The following ZNF705G variants were observed in gnomAD, a reference collection of about 807,000 sequenced individuals.
ZNF705G encodes the protein zinc finger protein 705G, also known as putative zinc finger protein 705G.
ZNF705G carries 23 observed loss-of-function variants against 19.6 expected under a neutral mutation model. The observed-to-expected ratio is 1.17, with a 90% CI of 0.84 to 1.66. ZNF705G has a LOEUF of 1.66. ZNF705G is among the 40% of genes most tolerant of loss of function. The pLI is 0.00. For missense variants in ZNF705G, 457 were observed against 354.4 expected (o/e 1.29, Z -2.32); for synonymous variants, 146 against 117.7 (o/e 1.24, Z -1.56).
intron 2 of ZNF705G, among the ~76,000 whole-genome samples, chr8:7,365,507 T>C (rs1198602784): frequency 8.1e-5 from 12 of 148,386 alleles, no homozygotes; most frequent in Admixed American, 7.9e-4. Flanking sequence ...GCCTCCTGAG[T>C]AGCTGGGATG....
At chr8:7,358,723 T>G (rs1806415643) in intron 6 of ZNF705G, among the ~76,000 whole-genome samples, 163 bp from the exon 7 acceptor site, 1 of 149,442 alleles carries the variant, frequency 6.7e-6, no homozygotes. Flanking sequence ...GACCCCAAAC[T>G]CATTTAACCA....
chr8:7,380,022 G>T (rs1193569551), intron 2 of ZNF705G, among the ~76,000 whole-genome samples: 2 of 142,062 alleles, frequency 1.4e-5, no homozygotes, highest in Non-Finnish European at 3.0e-5. Flanking sequence ...GTGTAGCTTG[G>T]TCCCCATCAC....
At chr8:7,380,153 G>T (rs929357261) in intron 2 of ZNF705G, among the ~76,000 whole-genome samples, 1 of 143,130 alleles carries the variant, frequency 7.0e-6, no homozygotes, top group Admixed American at 6.7e-5. Context: ...CACCTTCCCA[G>T]GACCACTGAC....
At chr8:7,383,367 T>C (rs1265737314) in intron 1 of ZNF705G, among the ~76,000 whole-genome samples, 2 of 146,640 alleles carry the variant, frequency 1.4e-5, no homozygotes, top group African/African-American at 5.5e-5. Flanking sequence ...TTTATATTGT[T>C]TCTACATCTC....
chr8:7,370,270 CA>C (rs59555789), intron 2 of ZNF705G, among the ~76,000 whole-genome samples: 86,666 of 138,390 alleles, frequency 0.63, 23,547 homozygotes, highest in Admixed American at 0.7. Context: ...GACTCCATCT[CA>C]AAAAAAAAAA....
At chr8:7,363,698 G>A (rs1806711734) in intron 2 of ZNF705G, among the ~76,000 whole-genome samples, 1 of 149,316 alleles carries the variant, frequency 6.7e-6, no homozygotes, top group African/African-American at 2.6e-5. Context: ...GTGCTTGCCT[G>A]TAATCCCAGC....
chr8:7,382,249 A>T (rs1185851302), intron 1 of ZNF705G, among the ~76,000 whole-genome samples: 5 of 149,326 alleles, frequency 3.3e-5, no homozygotes, highest in Non-Finnish European at 7.4e-5. Context: ...TCCTGATTCA[A>T]ATGTTCAAAT....
At position 7,359,715 on chromosome 8, in the gene ZNF705G, A is replaced by C. The variant is rs778308534; in HGVS notation, c.236-14T>G. The stretch of plus-strand genomic sequence containing the variant: ...CACTTTCCCTGTCTGAAATAATTGA[A>C]AAATAAATTGTTACATTGGTATTAT... On this transcript the variant is annotated splice_polypyrimidine_tract_variant and intron_variant, in intron 5 of 6. Coordinates refer to ENST00000400156, the MANE Select transcript of ZNF705G (RefSeq NM_001164457.3). 3.7e-6 allele frequency: 6 copies of C among 1,606,404 alleles called. No homozygotes were observed. The highest frequency in any genetic ancestry group is 5.1e-6 in the Non-Finnish European group (6 of 1,179,084).
chr8:7,382,474 C>T (rs536038490), intron 1 of ZNF705G, among the ~76,000 whole-genome samples: 1 of 146,324 alleles, frequency 6.8e-6, no homozygotes, highest in Non-Finnish European at 1.5e-5. Flanking sequence ...ATTCATTTAT[C>T]CTCATTCATT....
At chr8:7,383,318 A>C (rs1807588014) in intron 1 of ZNF705G, among the ~76,000 whole-genome samples, 1 of 147,130 alleles carries the variant, frequency 6.8e-6, no homozygotes, top group Non-Finnish European at 1.5e-5. Context: ...AAAACACTGA[A>C]ATTCCTCCTT....
At chr8:7,385,312 C>T (rs1807677741) in intron 1 of ZNF705G, among the ~76,000 whole-genome samples, 186 bp downstream of exon 1, 1 of 148,346 alleles carries the variant, frequency 6.7e-6, no homozygotes, top group South Asian at 2.1e-4. Context: ...AACACTCATA[C>T]CACAGCAAAT....
At chr8:7,359,754 T>C (rs1806486419) in intron 5 of ZNF705G, 53 bp from the exon 6 acceptor site, 1 of 1,603,716 alleles carries the variant, frequency 6.2e-7, no homozygotes, top group Non-Finnish European at 8.5e-7. Flanking sequence ...AATAAAATTG[T>C]TTGAAAAGCC....
At chr8:7,381,797 T>C (rs1173548033) in intron 1 of ZNF705G, among the ~76,000 whole-genome samples, 196 bp from the exon 2 acceptor site, 1 of 149,334 alleles carries the variant, frequency 6.7e-6, no homozygotes, top group African/African-American at 2.5e-5. Flanking sequence ...CTATGTTCAG[T>C]ACCAGGGTAA....
chr8:7,376,639 C>T (rs1411047402), intron 2 of ZNF705G, among the ~76,000 whole-genome samples: 1 of 148,450 alleles, frequency 6.7e-6, no homozygotes, highest in Non-Finnish European at 1.5e-5. Context: ...TTAATATATG[C>T]AATGGTTTCT....
chr8:7,376,815 T>C lies in ZNF705G; in HGVS notation c.-72+4637A>G, dbSNP rs540637967. 2.0e-5 allele frequency among the ~76,000 whole-genome samples: 3 copies of C among 150,168 alleles called. No individual in the cohort carries two copies. The East Asian group carries it at 5.8e-4, about 29-fold the overall frequency. On this transcript the variant is annotated intron_variant, in intron 2 of 6. Transcript: ENST00000400156. ...TCTCTAACAATTGAAGTATATTATC[T>C]TTTAGGTCTATATTTCAGTTCTACT...
chr8:7,381,932 CT>C (rs1287032233), intron 1 of ZNF705G, among the ~76,000 whole-genome samples: 1 of 146,028 alleles, frequency 6.8e-6, no homozygotes, highest in African/African-American at 2.5e-5. Flanking sequence ...GTAAATGGAT[CT>C]TTTTTGAAAT....
intron 2 of ZNF705G, among the ~76,000 whole-genome samples, chr8:7,368,288 A>C (rs1279967847): frequency 6.7e-6 from 1 of 149,468 alleles, no homozygotes. Context: ...TGAAGGAAAA[A>C]TATGAACATT....
intron 2 of ZNF705G, among the ~76,000 whole-genome samples, chr8:7,380,229 T>C (rs1334530517): frequency 6.9e-6 from 1 of 144,220 alleles, no homozygotes; most frequent in East Asian, 2.0e-4. Context: ...TCAGGGGACC[T>C]GGGGACTCAC....
rs1390685108 is a variant in ZNF705G at position 7,361,129 on chromosome 8, G to C, written c.120C>G (p.Ile40Met). Reference sequence around the variant, plus strand: ...ACTCACCGAGGGACACCAGGTGACTGATATTTTCCAGCATCACATCTCTGT... The same window carrying C: ...ACTCACCGAGGGACACCAGGTGACTCATATTTTCCAGCATCACATCTCTGT... ...KLYRDVMLEN[I>M]SHLVSLGYQI... Residue 40 changes from isoleucine to methionine, a missense_variant, in exon 4 of 7, where the codon ATC becomes ATG. Coordinates refer to ENST00000400156, the MANE Select transcript of ZNF705G (RefSeq NM_001164457.3). 3 of 1,592,748 alleles carry C rather than the reference G, an allele frequency of 1.9e-6. No individual in the cohort carries two copies. The highest frequency in any genetic ancestry group is 2.5e-6 in the Non-Finnish European group (3 of 1,179,454).
Sources: allele counts gnomAD v4.1 joint callset (sites outside exome capture counted in the v4.1 genomes callset), GRCh38; gene constraint gnomAD v4.1.1; transcripts MANE v1.5; gene names NCBI Gene and HGNC (gene_info 2026-07-23, HGNC 2026-07-21).